DLGAP1: variants seen among roughly 807,000 people sequenced by gnomAD.
DLGAP1 encodes the protein disks large-associated protein 1.
In DLGAP1, 11 loss-of-function variants were observed where a neutral mutation model predicts 90.8. The ratio of observed to expected loss-of-function variants is 0.12; its 90% CI spans 0.08 to 0.20. The LOEUF (loss-of-function observed/expected upper bound fraction) is 0.20, where lower values mean the gene tolerates loss of function less well. Ranked by LOEUF, DLGAP1 falls within the 10% of genes least tolerant of loss-of-function variation. DLGAP1 has a pLI of 1.00. For missense variants in DLGAP1, 1,050 were observed against 1,333.8 expected (o/e 0.79, Z 3.31); for synonymous variants, 558 against 540.7 (o/e 1.03, Z -0.44).
At chr18:4,151,988 TA>T (rs1246369263) in intron 1 of DLGAP1, among the ~76,000 whole-genome samples, 1 of 152,076 alleles carries the variant, frequency 6.6e-6, no homozygotes, top group Admixed American at 6.5e-5. Context: ...ATAATAATAT[TA>T]AAAAAATAGT....
At chr18:3,635,357 C>T (rs1251443780) in intron 7 of DLGAP1, among the ~76,000 whole-genome samples, 3 of 151,846 alleles carry the variant, frequency 2.0e-5, no homozygotes, top group African/African-American at 4.8e-5. Context: ...AGGATGGTCT[C>T]GATCTCCTGA....
intron 1 of DLGAP1, among the ~76,000 whole-genome samples, chr18:4,441,718 C>G (rs1053142666): frequency 6.6e-6 from 1 of 152,212 alleles, no homozygotes; most frequent in East Asian, 1.9e-4. Context: ...CCTTCTGGGA[C>G]AGCTAGGCTG....
intron 9 of DLGAP1, among the ~76,000 whole-genome samples, chr18:3,555,427 T>TAA (rs5822765): frequency 0.015 from 2,298 of 152,114 alleles, 57 homozygotes; most frequent in African/African-American, 0.053. Context: ...AGTTCAACTT[T>TAA]AAAAAATAAT....
intron 8 of DLGAP1, 146 bp downstream of exon 8, chr18:3,581,729 T>C (rs953320805): frequency 3.2e-6 from 3 of 945,126 alleles, no homozygotes; most frequent in African/African-American, 3.3e-5. Context: ...GTATACGGAG[T>C]CCACAGCCAA....
At chr18:4,239,350 A>G (rs2078482283) in intron 1 of DLGAP1, among the ~76,000 whole-genome samples, 1 of 152,162 alleles carries the variant, frequency 6.6e-6, no homozygotes. Context: ...TATTTGATGA[A>G]TTCTAGGTTT....
intron 2 of DLGAP1, among the ~76,000 whole-genome samples, chr18:4,088,855 G>T (rs2075726092): frequency 6.6e-6 from 1 of 152,114 alleles, no homozygotes; most frequent in South Asian, 2.1e-4. Context: ...ATACTGAATG[G>T]GCAAAAGCTG....
chr18:3,640,736 A>T (rs1295867970), intron 7 of DLGAP1, among the ~76,000 whole-genome samples: 1 of 152,250 alleles, frequency 6.6e-6, no homozygotes, highest in Non-Finnish European at 1.5e-5. Flanking sequence ...TGTGCTTTAC[A>T]GCAAACCTTA....
intron 3 of DLGAP1, among the ~76,000 whole-genome samples, chr18:4,003,266 G>GATCCA (rs2074234195): frequency 6.6e-6 from 1 of 152,126 alleles, no homozygotes; most frequent in African/African-American, 2.4e-5. Context: ...GACAGGGAAG[G>GATCCA]TGCCATGGAA....
chr18:3,660,323 A>T lies in DLGAP1; in HGVS notation c.1591+68812T>A, dbSNP rs1254268800. Among the ~76,000 whole-genome samples, 2 of 152,140 alleles carry T rather than the reference A, an allele frequency of 1.3e-5. No individual in the cohort carries two copies. Among genetic ancestry groups the T allele is most frequent in the Non-Finnish European group, 2.9e-5 (2 of 68,020 alleles). ...CACAACTGGCTTTCTTTTATTTTTT[A>T]AAAATAGCACTTTTCACTGTTTGCA... On this transcript the variant is annotated intron_variant, in intron 7 of 12. Coordinates refer to ENST00000315677, the MANE Select transcript of DLGAP1 (RefSeq NM_004746.4). The surrounding 1 kb of genome is among the most constrained non-coding windows in gnomAD (Gnocchi z 4.2).
At chr18:3,928,561 C>A (rs773886322) in intron 3 of DLGAP1, among the ~76,000 whole-genome samples, 4 of 152,120 alleles carry the variant, frequency 2.6e-5, no homozygotes, top group Non-Finnish European at 5.9e-5. Flanking sequence ...ATGTGCCAGG[C>A]ATGGTTCCAA....
At chr18:4,080,893 T>C (rs145425354) in intron 2 of DLGAP1, among the ~76,000 whole-genome samples, 56,592 of 142,360 alleles carry the variant, frequency 0.4, 11,414 homozygotes, top group Non-Finnish European at 0.48. Context: ...GAATGCCCTT[T>C]TTTTTTTTTT....
chr18:3,522,007 G>T (rs2051223999), intron 10 of DLGAP1, among the ~76,000 whole-genome samples: 1 of 151,546 alleles, frequency 6.6e-6, no homozygotes, highest in South Asian at 2.1e-4. Context: ...TGCAATAGTT[G>T]TAGTGACTAG....
At position 3,612,222 on chromosome 18, in the gene DLGAP1, C is replaced by T. The variant is rs147687984; in HGVS notation, c.1592-29974G>A. On this transcript the variant is annotated intron_variant, in intron 7 of 12. Transcript: ENST00000315677. Reference sequence around the variant, plus strand: ...TAAAAATAATGTAAGTTCAGGAGGCCGACCTTGATTTAAAAGTGTGTTACC... The same window carrying T: ...TAAAAATAATGTAAGTTCAGGAGGCTGACCTTGATTTAAAAGTGTGTTACC... Among the ~76,000 whole-genome samples the T allele has an allele frequency of 3.6e-4, 55 of 152,104 alleles. 1 individual carries two copies. The highest frequency in any genetic ancestry group is 1.3e-3 in the African/African-American group (52 of 41,540).
At chr18:4,172,179 G>A (rs34551913) in intron 1 of DLGAP1, among the ~76,000 whole-genome samples, 13,925 of 152,162 alleles carry the variant, frequency 0.092, 810 homozygotes, top group East Asian at 0.26. Context: ...AGATACATAT[G>A]TCTTAATGTT....
At chr18:3,708,229 A>AC in intron 7 of DLGAP1, 2 of 358,268 alleles carry the variant, frequency 5.6e-6, no homozygotes, top group South Asian at 2.1e-5. Flanking sequence ...CTGGTCTTGA[A>AC]TGCTTGACTT....
At chr18:3,599,896 C>T (rs968175575) in intron 7 of DLGAP1, among the ~76,000 whole-genome samples, 4 of 150,952 alleles carry the variant, frequency 2.6e-5, no homozygotes, top group East Asian at 2.0e-4. Context: ...GGATTACAGG[C>T]GTGAGCCACC....
At chr18:4,113,761 A>G (rs539040227) in intron 2 of DLGAP1, among the ~76,000 whole-genome samples, 28 of 152,160 alleles carry the variant, frequency 1.8e-4, no homozygotes, top group Admixed American at 5.2e-4. Flanking sequence ...ATTTAAATCT[A>G]TAATCCATCT....
intron 7 of DLGAP1, 151 bp from the exon 8 acceptor site, chr18:3,582,399 C>T: frequency 7.8e-7 from 1 of 1,277,506 alleles, no homozygotes; most frequent in Non-Finnish European, 1.1e-6. Flanking sequence ...GAGACCCCTG[C>T]TCTCCGGAGG....
chr18:3,889,436 T>C (rs1039073277), intron 3 of DLGAP1, among the ~76,000 whole-genome samples: 1 of 152,178 alleles, frequency 6.6e-6, no homozygotes, highest in Non-Finnish European at 1.5e-5. Context: ...TATATATATT[T>C]ACCTGAATCA....
Sources: gnomAD v4.1 joint callset for allele counts (sites outside exome capture counted in the v4.1 genomes callset) on GRCh38, gnomAD v4.1.1 for gene constraint, Gnocchi (gnomAD v3.1) non-coding constraint, MANE v1.5 for transcripts, NCBI Gene and HGNC (gene_info 2026-07-23, HGNC 2026-07-21) for gene names.